Variants in TP53BP1 observed in about 807,000 individuals in gnomAD.
The protein encoded by TP53BP1 is tumor protein p53 binding protein 1, also known as TP53-binding protein 1.
Under a neutral mutation model 200.8 loss-of-function variants are expected in TP53BP1, and 61 were observed. That is an observed-to-expected ratio of 0.30 (90% confidence interval 0.25 to 0.38). The LOEUF is 0.38. Among genes scored for constraint, TP53BP1 ranks in the 10% least tolerant of loss-of-function variants. The probability of loss-of-function intolerance (pLI) is 1.00; values close to 1 mark genes in which losing one functional copy is unlikely to be tolerated. For synonymous variants in TP53BP1, 822 were observed against 844.3 expected (o/e 0.97, Z 0.46); for missense variants, 2,144 against 2,371.9 (o/e 0.90, Z 2.00).
chr15:43,466,632 G>C (rs2046585846), intron 11 of TP53BP1, among the ~76,000 whole-genome samples: 1 of 152,262 alleles, frequency 6.6e-6, no homozygotes, highest in East Asian at 1.9e-4. Context: ...CAAGGCAGGA[G>C]GTCTGCTTGA....
chr15:43,458,744 A>C (rs2046359871), intron 11 of TP53BP1, among the ~76,000 whole-genome samples: 1 of 151,756 alleles, frequency 6.6e-6, no homozygotes, highest in Non-Finnish European at 1.5e-5. Context: ...TGTACCACTC[A>C]CTGTACACTA....
chr15:43,408,605 T>C (rs2045005211), intron 26 of TP53BP1: 1 of 376,788 alleles, frequency 2.7e-6, no homozygotes, highest in Non-Finnish European at 4.9e-6. Flanking sequence ...ATCCAAATCA[T>C]GCTCCTGAGC....
At chr15:43,472,116 G>A (rs1162851609) in intron 10 of TP53BP1, among the ~76,000 whole-genome samples, 1 of 152,250 alleles carries the variant, frequency 6.6e-6, no homozygotes, top group Non-Finnish European at 1.5e-5. Context: ...TGAAGGCACA[G>A]GCTCTGGAGG....
chr15:43,438,472 G>A (rs551605587), intron 15 of TP53BP1, 56 bp from the exon 16 acceptor site: 2 of 1,449,226 alleles, frequency 1.4e-6, no homozygotes, highest in East Asian at 2.4e-5. Context: ...AAGTACTTTT[G>A]GAGATTATCC....
chr15:43,496,222 T>G (rs976689505), upstream of TP53BP1, among the ~76,000 whole-genome samples: 22 of 152,212 alleles, frequency 1.4e-4, no homozygotes, highest in African/African-American at 5.3e-4. Context: ...CTTCTAATAT[T>G]AATCTTCTAA....
At chr15:43,505,076 G>A (rs148285578) in intron 1 of TP53BP1, among the ~76,000 whole-genome samples, 68 of 152,220 alleles carry the variant, frequency 4.5e-4, no homozygotes, top group African/African-American at 1.5e-3. Flanking sequence ...TTTGCAGGAG[G>A]TAATGTTGGA....
intron 15 of TP53BP1, 169 bp downstream of exon 15, chr15:43,441,357 A>ATT: frequency 1.9e-6 from 1 of 522,634 alleles, no homozygotes; most frequent in Non-Finnish European, 3.4e-6. Context: ...TGAACTTAAA[A>ATT]AAGTATTAAC....
Position 43,430,504 on chromosome 15 carries a change from C to T in TP53BP1, c.3675+1690G>A, listed in dbSNP as rs570182333. Among the ~76,000 whole-genome samples the T allele has an allele frequency of 4.6e-5, 7 of 152,264 alleles. No individual in the cohort carries two copies. In the East Asian group the frequency reaches 1.3e-3, roughly 29 times the overall value. The stretch of plus-strand genomic sequence containing the variant: ...GCCACAGGTGTTCAATAAATAAGAA[C>T]TGTATTTTATTTTTACAAAACAAAC... On this transcript the variant is annotated intron_variant, in intron 17 of 27. Transcript: ENST00000382044.
intron 12 of TP53BP1, among the ~76,000 whole-genome samples, chr15:43,452,562 CA>C (rs1162626991): frequency 1.3e-5 from 2 of 151,778 alleles, no homozygotes; most frequent in African/African-American, 2.4e-5. Context: ...GACCCTGGCT[CA>C]AAAACAAACA....
At position 43,428,117 on chromosome 15, in the gene TP53BP1, G is replaced by A. The variant is rs752274598; in HGVS notation, c.3727C>T (p.Arg1243Cys). 10 of 1,613,228 alleles carry A rather than the reference G, an allele frequency of 6.2e-6. No individual in the cohort carries two copies. Among genetic ancestry groups the A allele is most frequent in the Admixed American group, 3.3e-5 (2 of 59,998 alleles). The change falls in exon 18 of 28, where the codon CGT becomes TGT. Residue 1243 changes from arginine to cysteine, a missense_variant. Around this residue, in one of 4 missense-constraint regions of TP53BP1, gnomAD observed 1,700 missense variants for 1,710.3 expected, o/e 0.99. Coordinates refer to ENST00000382044, the MANE Select transcript of TP53BP1 (RefSeq NM_001141980.3). Reference sequence around the variant, plus strand: ...ACTTCCCGGATTGTTCTCATGTGACGATGTAAGACATGGCCATGTGGAGGC... The same window carrying A: ...ACTTCCCGGATTGTTCTCATGTGACAATGTAAGACATGGCCATGTGGAGGC... ...PQPPHGHVLH[R>C]HMRTIREVRT...
At chr15:43,478,808 G>C (rs1272631013) in intron 7 of TP53BP1, among the ~76,000 whole-genome samples, 1 of 152,152 alleles carries the variant, frequency 6.6e-6, no homozygotes, top group South Asian at 2.1e-4. Context: ...ACACCAGAGA[G>C]GCTAAGAAGA....
upstream of TP53BP1, among the ~76,000 whole-genome samples, chr15:43,493,323 T>A (rs917323419): frequency 1.3e-5 from 2 of 151,996 alleles, no homozygotes; most frequent in Non-Finnish European, 2.9e-5. Context: ...TTGCAGGCCC[T>A]CCCCTTTAGT....
In TP53BP1 at chr15:43,492,264, T is replaced by A; in HGVS notation, c.192+20A>T. The stretch of plus-strand genomic sequence containing the variant: ...AAAAAAAAAATCTGCTCAATCTTCT[T>A]CAAACAAGGTATCACTCACCAACAC... On this transcript the variant is annotated intron_variant, in intron 2 of 27. Coordinates refer to ENST00000382044, the MANE Select transcript of TP53BP1 (RefSeq NM_001141980.3). The A allele has an allele frequency of 6.3e-7, 1 of 1,598,280 alleles. No homozygotes were observed. The highest frequency in any genetic ancestry group is 8.5e-7 in the Non-Finnish European group (1 of 1,173,996).
chr15:43,484,333 T>C (rs1192687951), intron 4 of TP53BP1, among the ~76,000 whole-genome samples: 1 of 152,226 alleles, frequency 6.6e-6, no homozygotes, highest in East Asian at 1.9e-4. Context: ...CTTCATCTGC[T>C]TCAATCCTGG....
rs148139588 is a variant in TP53BP1, at chr15:43,456,733, A to T, written c.1875T>A (p.Thr625=). ...TVAEDVCIDL[T]CDSGSQAVPS... ...GAACTGCCTGACTCCCCGAATCACA[A>T]GTGAGATCAATACAAACATCTTCTG... Residue 625 remains threonine, a synonymous_variant, in exon 12 of 28, where the codon ACT becomes ACA. Coordinates refer to ENST00000382044, the MANE Select transcript of TP53BP1 (RefSeq NM_001141980.3). 5.6e-6 allele frequency: 9 copies of T among 1,614,010 alleles called. No homozygotes were observed. Among genetic ancestry groups the T allele is most frequent in the Non-Finnish European group, 7.6e-6 (9 of 1,180,048 alleles).
At position 43,428,184 on chromosome 15, in the gene TP53BP1, C is replaced by T; in HGVS notation, c.3676-16G>A. 6.2e-7 allele frequency: 1 copy of T among 1,611,992 alleles called. No homozygotes were observed. ...CTTCTTCTCCCTGTGACAGAAAATACAGAACATAAGCACAGGTCTCACTGC... is the reference window on the plus strand; with the variant it reads ...CTTCTTCTCCCTGTGACAGAAAATATAGAACATAAGCACAGGTCTCACTGC... On this transcript the variant is annotated splice_polypyrimidine_tract_variant and intron_variant, in intron 17 of 27. Coordinates refer to ENST00000382044, the MANE Select transcript of TP53BP1 (RefSeq NM_001141980.3).
intron 4 of TP53BP1, among the ~76,000 whole-genome samples, chr15:43,483,553 T>C (rs1405320602): frequency 6.6e-6 from 1 of 152,082 alleles, no homozygotes; most frequent in Non-Finnish European, 1.5e-5. Context: ...ACAACTAATA[T>C]TTCATAAAAA....
rs750851298 is a variant in TP53BP1 at position 43,492,252 on chromosome 15, G to C, written c.192+32C>G. 8 of 1,585,150 alleles carry C rather than the reference G, an allele frequency of 5.0e-6. No homozygotes were observed. The East Asian group carries it at 1.1e-4, about 22-fold the overall frequency. On this transcript the variant is annotated intron_variant, in intron 2 of 27. Transcript: ENST00000382044. Reference sequence around the variant, plus strand: ...GTTTTCGGTTTAAAAAAAAAAATCTGCTCAATCTTCTTCAAACAAGGTATC... The same window carrying C: ...GTTTTCGGTTTAAAAAAAAAAATCTCCTCAATCTTCTTCAAACAAGGTATC...
intron 1 of TP53BP1, among the ~76,000 whole-genome samples, chr15:43,503,515 C>T (rs1431537386): frequency 1.3e-5 from 2 of 152,096 alleles, no homozygotes; most frequent in African/African-American, 4.8e-5. Flanking sequence ...AAAAATTAGC[C>T]GGGCATGGTG....
Sources: allele counts gnomAD v4.1 joint callset (sites outside exome capture counted in the v4.1 genomes callset), GRCh38; gene constraint gnomAD v4.1.1; regional missense constraint gnomAD v4.1.1; transcripts MANE v1.5; gene names NCBI Gene and HGNC (gene_info 2026-07-23, HGNC 2026-07-21).